The following PXDNL variants were observed in gnomAD, a reference collection of about 807,000 sequenced individuals.
PXDNL encodes the protein peroxidasin like.
In PXDNL, 145 loss-of-function variants were observed where a neutral mutation model predicts 150.8. The ratio of observed to expected loss-of-function variants is 0.96; its 90% CI spans 0.84 to 1.10. The LOEUF (loss-of-function observed/expected upper bound fraction) is 1.10. PXDNL is among the 50% of genes least tolerant of loss of function. The pLI, the probability that PXDNL is intolerant of heterozygous loss-of-function variation, is 0.00. For missense variants in PXDNL, 2,087 were observed against 1,873.9 expected (o/e 1.11, Z -2.10); for synonymous variants, 757 against 725.7 (o/e 1.04, Z -0.69).
chr8:51,709,607 A>G (rs1422455893), intron 1 of PXDNL, among the ~76,000 whole-genome samples: 2 of 152,202 alleles, frequency 1.3e-5, no homozygotes, highest in Non-Finnish European at 2.9e-5. Context: ...ACAAGAGCAC[A>G]AGAATGCAAA....
At chr8:51,421,005 A>G (rs1241623371) in intron 14 of PXDNL, among the ~76,000 whole-genome samples, 1 of 152,184 alleles carries the variant, frequency 6.6e-6, no homozygotes, top group African/African-American at 2.4e-5. Flanking sequence ...TTTACTTTTA[A>G]TATGTATGTA....
At chr8:51,755,326 C>T (rs2130984588) in intron 1 of PXDNL, among the ~76,000 whole-genome samples, 1 of 149,722 alleles carries the variant, frequency 6.7e-6, no homozygotes. Flanking sequence ...CAGAGTCTCG[C>T]TGTTGTCGCC....
At chr8:51,652,439 TCA>T (rs34305040) in intron 2 of PXDNL, among the ~76,000 whole-genome samples, 14,062 of 146,554 alleles carry the variant, frequency 0.096, 866 homozygotes, top group East Asian at 0.21. Context: ...TCTCTCTCTC[TCA>T]CACACACACA....
intron 2 of PXDNL, among the ~76,000 whole-genome samples, chr8:51,649,139 T>C (rs1349734818): frequency 1.3e-5 from 2 of 152,176 alleles, no homozygotes; most frequent in Non-Finnish European, 2.9e-5. Flanking sequence ...TCAAACAACA[T>C]GCTTTAAGAA....
At chr8:51,752,602 A>G (rs1407954206) in intron 1 of PXDNL, among the ~76,000 whole-genome samples, 1 of 152,026 alleles carries the variant, frequency 6.6e-6, no homozygotes, top group Non-Finnish European at 1.5e-5. Flanking sequence ...TGTCACCTAC[A>G]ATCTCCTGAC....
intron 17 of PXDNL, among the ~76,000 whole-genome samples, chr8:51,398,764 G>C (rs1040880570): frequency 6.6e-6 from 1 of 152,178 alleles, no homozygotes; most frequent in African/African-American, 2.4e-5. Flanking sequence ...AGACAGAGAA[G>C]GAAGCAAAAT....
In PXDNL at chr8:51,809,195, C is replaced by T. The variant is rs753864387; in HGVS notation, c.150G>A (p.Gln50=). The change falls in exon 1 of 23, where the codon CAG becomes CAA. Residue 50 remains glutamine (Q), a synonymous_variant. Transcript: ENST00000356297. The stretch of plus-strand genomic sequence containing the variant: ...TGTGAACTTACAGAACTGTGGTCTG[C>T]TGTGGTACCTGAGGAATGTGGTCCA... The part of the protein sequence containing the change: ...LMLDHIPQVP[Q]QTTVLDLRFN... 4.3e-6 allele frequency: 7 copies of T among 1,613,742 alleles called. No individual in the cohort carries two copies. In the South Asian group the frequency reaches 6.6e-5, roughly 15 times the overall value.
chr8:51,756,777 CTAGA>C (rs1012603686), intron 1 of PXDNL, among the ~76,000 whole-genome samples: 50 of 151,672 alleles, frequency 3.3e-4, no homozygotes, highest in African/African-American at 1.1e-3. Flanking sequence ...TTTTGCCATT[CTAGA>C]TAGTTTTAAT....
chr8:51,377,260 G>C (rs985727007), intron 17 of PXDNL, among the ~76,000 whole-genome samples: 7 of 65,922 alleles, frequency 1.1e-4, no homozygotes, highest in Non-Finnish European at 2.3e-4. Flanking sequence ...CCTTCTAGGG[G>C]ATTTTTTTTT....
chr8:51,445,023 C>T (rs1809643324), intron 12 of PXDNL, among the ~76,000 whole-genome samples: 1 of 152,006 alleles, frequency 6.6e-6, no homozygotes, highest in Non-Finnish European at 1.5e-5. Context: ...TCTCCCTCCT[C>T]AGCCTCCCAC....
Position 51,441,650 on chromosome 8 carries a change from G to C in PXDNL, c.1525+5354C>G, listed in dbSNP as rs16916283. Among the ~76,000 whole-genome samples the C allele has an allele frequency of 1.4e-4, 22 of 152,144 alleles. 1 individual carries two copies. The highest frequency in any genetic ancestry group is 5.1e-4 in the African/African-American group (21 of 41,490). ...TCCATGAACTTTCTGAAGTCCCTCA[G>C]TACTGGTACACAGATAGATCACTGT... On this transcript the variant is annotated intron_variant, in intron 12 of 22. Coordinates refer to ENST00000356297, the MANE Select transcript of PXDNL (RefSeq NM_144651.5).
intron 1 of PXDNL, among the ~76,000 whole-genome samples, chr8:51,777,674 G>A (rs944770243): frequency 1.3e-5 from 2 of 152,110 alleles, no homozygotes; most frequent in Admixed American, 6.5e-5. Flanking sequence ...AGGCCAAGAT[G>A]GGCAGATCAC....
At position 51,421,592 on chromosome 8, in the gene PXDNL, G is replaced by A. The variant is rs868345687; in HGVS notation, c.1795+1983C>T. Among the ~76,000 whole-genome samples, 9 of 152,076 alleles carry A rather than the reference G, an allele frequency of 5.9e-5. No individual in the cohort carries two copies. In the South Asian group the frequency reaches 6.2e-4, roughly 11 times the overall value. On this transcript the variant is annotated intron_variant, in intron 14 of 22. Coordinates refer to ENST00000356297, the MANE Select transcript of PXDNL (RefSeq NM_144651.5). ...TAGGCACCTGTAACCCCAGCAACTC[G>A]GGAGGCTGGGGCAGGAGAATTGCTT...
intron 2 of PXDNL, among the ~76,000 whole-genome samples, chr8:51,633,061 T>C (rs1342179340): frequency 6.6e-6 from 1 of 152,126 alleles, no homozygotes; most frequent in Non-Finnish European, 1.5e-5. Context: ...CTCTCACCAT[T>C]CTAATACCCC....
At chr8:51,453,343 G>GA (rs964495087) in intron 10 of PXDNL, among the ~76,000 whole-genome samples, 176 bp downstream of exon 10, 2 of 151,696 alleles carry the variant, frequency 1.3e-5, no homozygotes, top group African/African-American at 2.4e-5. Context: ...AAGTAGGAAA[G>GA]AAAAAAAACA....
At chr8:51,754,250 T>C (rs1438371215) in intron 1 of PXDNL, among the ~76,000 whole-genome samples, 1 of 152,152 alleles carries the variant, frequency 6.6e-6, no homozygotes, top group East Asian at 1.9e-4. Flanking sequence ...ATGTAGATTG[T>C]CAGTGAAAAA....
intron 18 of PXDNL, 55 bp downstream of exon 18, chr8:51,374,542 T>G: frequency 6.4e-7 from 1 of 1,568,592 alleles, no homozygotes; most frequent in Admixed American, 1.7e-5. Context: ...CATATACATT[T>G]TGGGTCAAAA....
chr8:51,670,500 T>C (rs1815475872), intron 1 of PXDNL, among the ~76,000 whole-genome samples: 1 of 152,150 alleles, frequency 6.6e-6, no homozygotes, highest in Admixed American at 6.5e-5. Flanking sequence ...TACTGAATAT[T>C]GTAGGCAATT....
At chr8:51,364,114 T>C (rs1806838519) in intron 19 of PXDNL, among the ~76,000 whole-genome samples, 1 of 152,226 alleles carries the variant, frequency 6.6e-6, no homozygotes, top group Non-Finnish European at 1.5e-5. Flanking sequence ...CTTCCACTAA[T>C]AAACTCTGAC....
Sources: allele counts gnomAD v4.1 joint callset (sites outside exome capture counted in the v4.1 genomes callset), GRCh38; gene constraint gnomAD v4.1.1; transcripts MANE v1.5; gene names NCBI Gene and HGNC (gene_info 2026-07-23, HGNC 2026-07-21).